CLMP: variants seen among roughly 807,000 people sequenced by gnomAD.
CLMP encodes the protein CXADR like cell adhesion molecule.
A neutral mutation model predicts 45.2 loss-of-function variants in CLMP; 27 were observed. The observed-to-expected ratio is 0.60, with a 90% confidence interval of 0.44 to 0.82. The LOEUF (loss-of-function observed/expected upper bound fraction) is 0.82, where lower values mean the gene tolerates loss of function less well. CLMP is among the 40% of genes least tolerant of loss of function. The pLI is 0.00. For missense variants in CLMP, 403 were observed against 448.4 expected (o/e 0.90, Z 0.91); for synonymous variants, 167 against 171.4 (o/e 0.97, Z 0.20).
chr11:123,097,905 C>T lies in CLMP; in HGVS notation c.76G>A (p.Val26Met), dbSNP rs1416727071. ...GGCAAAGTGACCTTTTCCTCTGCCA[C>T]TCTCTTGATCTCAGTGTGAGTCCCC... ...TLGTHTEIKR[V>M]AEEKVTLPCH... is the part of the protein sequence containing the mutation. Residue 26 changes from valine to methionine, a missense_variant, in exon 2 of 7, where the codon GTG becomes ATG. Transcript: ENST00000448775. 2 of 1,602,394 alleles carry T rather than the reference C, an allele frequency of 1.2e-6. No homozygotes were observed. Among genetic ancestry groups the T allele is most frequent in the African/African-American group, 2.7e-5 (2 of 74,350 alleles).
intron 1 of CLMP, among the ~76,000 whole-genome samples, chr11:123,135,667 T>C (rs776236861): frequency 1.3e-5 from 2 of 152,220 alleles, no homozygotes; most frequent in Non-Finnish European, 2.9e-5. Flanking sequence ...TGATATTTTA[T>C]AGGCTAATTT....
At chr11:123,156,389 C>A (rs1861415187) in intron 1 of CLMP, among the ~76,000 whole-genome samples, 1 of 152,236 alleles carries the variant, frequency 6.6e-6, no homozygotes, top group African/African-American at 2.4e-5. Flanking sequence ...CCAACCAAGT[C>A]TTCAGAGGAC....
rs1030234908 is a variant in CLMP, at chr11:123,096,788, T to A, written c.186+1007A>T. Among the ~76,000 whole-genome samples, 6 of 152,288 alleles carry A rather than the reference T, an allele frequency of 3.9e-5. No individual in the cohort carries two copies. In the South Asian group the frequency reaches 1.2e-3, roughly 32 times the overall value. ...TAGACAGAGAAGAGGAAAGGACAAC[T>A]TTTTTCTTTCTTTTGCTTTTGTTTT... On this transcript the variant is annotated intron_variant, in intron 2 of 6. Coordinates refer to ENST00000448775, the MANE Select transcript of CLMP (RefSeq NM_024769.5).
At chr11:123,083,349 A>G (rs1865827031) in intron 4 of CLMP, 142 bp from the exon 5 acceptor site, 2 of 916,468 alleles carry the variant, frequency 2.2e-6, no homozygotes, top group South Asian at 1.7e-5. Flanking sequence ...CTTTGGGAAC[A>G]TGAGAAGAAA....
At chr11:123,075,966 A>G (rs1348317506) in intron 5 of CLMP, among the ~76,000 whole-genome samples, 1 of 152,116 alleles carries the variant, frequency 6.6e-6, no homozygotes, top group African/African-American at 2.4e-5. Context: ...TGAGGTCAGG[A>G]GTTCGAGACC....
intron 2 of CLMP, among the ~76,000 whole-genome samples, chr11:123,090,762 T>G (rs1003350366): frequency 6.6e-6 from 1 of 152,124 alleles, no homozygotes; most frequent in East Asian, 1.9e-4. Context: ...TCCGGTTGCA[T>G]TTTCTCATGG....
chr11:123,097,239 C>T (rs895036710), intron 2 of CLMP, among the ~76,000 whole-genome samples: 4 of 152,132 alleles, frequency 2.6e-5, no homozygotes, highest in African/African-American at 4.8e-5. Context: ...GATCATAGCT[C>T]ACTGCAGCCT....
At chr11:123,081,428 T>C (rs1865802755) in intron 5 of CLMP, among the ~76,000 whole-genome samples, 1 of 149,606 alleles carries the variant, frequency 6.7e-6, no homozygotes. Context: ...ACATGGCTTG[T>C]GGATATAGGA....
intron 1 of CLMP, among the ~76,000 whole-genome samples, chr11:123,159,772 T>A (rs1169259848): frequency 6.6e-6 from 1 of 152,176 alleles, no homozygotes; most frequent in Admixed American, 6.5e-5. Flanking sequence ...GCCAATCCTC[T>A]CAGTCAATTA....
chr11:123,150,527 GGAAAGAAA>G lies in CLMP; in HGVS notation c.28+44378_28+44385del, dbSNP rs1435499477. ...AGGAAGGAAGGAAGGAAGGAAGGAA[GGAAAGAAA>G]CAAGCAAGGAAGGAAGGAAGGAAGG... On this transcript the variant is annotated intron_variant, in intron 1 of 6. Transcript: ENST00000448775. Among the ~76,000 whole-genome samples, 214 of 113,806 alleles carry G rather than the reference GGAAAGAAA, an allele frequency of 1.9e-3. 2 individuals carry two copies. The highest frequency in any genetic ancestry group is 9.9e-3 in the South Asian group (28 of 2,832). 74.7% of individuals were successfully genotyped at this position (113,806 alleles called of 152,430 possible).
chr11:123,120,248 C>T lies in CLMP; in HGVS notation c.29-22296G>A, dbSNP rs539263970. Among the ~76,000 whole-genome samples, 5 of 152,116 alleles carry T rather than the reference C, an allele frequency of 3.3e-5. No homozygotes were observed. In the South Asian group the frequency reaches 1.0e-3, roughly 32 times the overall value. On this transcript the variant is annotated intron_variant, in intron 1 of 6. Transcript: ENST00000448775. ...CCAACCTGGGCAACACAGTGAGACC[C>T]CATCTCCACAAAAATATAAAAGTAA...
rs763368614 is a variant in CLMP, at chr11:123,097,813, A to C, written c.168T>G (p.Asn56Lys). 1 of 1,597,148 alleles carries C rather than the reference A, an allele frequency of 6.3e-7. No homozygotes were observed. The highest frequency in any genetic ancestry group is 1.7e-5 in the Admixed American group (1 of 57,720). The change falls in exon 2 of 7, where the codon AAT becomes AAG. Residue 56 changes from asparagine to lysine, a missense_variant. Physicochemically the swap from Asn to Lys is moderately conservative, Grantham distance 94. Transcript: ENST00000448775. ...TACTTACCACTTTTTGGTTCCCTTCATTATCGGTGAGCAGCCATTCAATAT... is the reference window on the plus strand; with the variant it reads ...TACTTACCACTTTTTGGTTCCCTTCCTTATCGGTGAGCAGCCATTCAATAT... ...TLDIEWLLTD[N>K]EGNQKVVITY...
chr11:123,161,429 G>A (rs749771551), intron 1 of CLMP, among the ~76,000 whole-genome samples: 8 of 152,056 alleles, frequency 5.3e-5, no homozygotes, highest in Non-Finnish European at 8.8e-5. Flanking sequence ...CACTTTAGGA[G>A]GCCAAGGTGA....
Position 123,109,556 on chromosome 11 carries a change from A to G in CLMP, c.29-11604T>C, listed in dbSNP as rs1185272771. ...GGAAACACAGAGATCATGTTTGTAA[A>G]TGTGGATGGCACAGAGCTAGGTAGC... On this transcript the variant is annotated intron_variant, in intron 1 of 6. Coordinates refer to ENST00000448775, the MANE Select transcript of CLMP (RefSeq NM_024769.5). Among the ~76,000 whole-genome samples, 13 of 152,180 alleles carry G rather than the reference A, an allele frequency of 8.5e-5. 1 individual carries two copies. Among genetic ancestry groups the G allele is most frequent in the Admixed American group, 8.5e-4 (13 of 15,270 alleles).
rs1281617115 is a variant in CLMP at position 123,117,411 on chromosome 11, A to AATTTTTT, written c.29-19466_29-19460dup. ...TTGAGACCTTTTATCTTTTTTAAAA[A>AATTTTTT]ATTTTTTATTTTTTATTTTTTATTA... On this transcript the variant is annotated intron_variant, in intron 1 of 6. Transcript: ENST00000448775. Among the ~76,000 whole-genome samples, 133 of 151,896 alleles carry AATTTTTT rather than the reference A, an allele frequency of 8.8e-4. 1 individual carries two copies. The highest frequency in any genetic ancestry group is 3.1e-3 in the African/African-American group (129 of 41,502).
chr11:123,081,130 G>A (rs1316290277), intron 5 of CLMP, among the ~76,000 whole-genome samples: 1 of 151,784 alleles, frequency 6.6e-6, no homozygotes, highest in Non-Finnish European at 1.5e-5. Flanking sequence ...TGCAGCCTGG[G>A]TGACAGAGTG....
chr11:123,115,019 C>T (rs1340594998), intron 1 of CLMP, among the ~76,000 whole-genome samples: 1 of 152,130 alleles, frequency 6.6e-6, no homozygotes, highest in East Asian at 1.9e-4. Context: ...CTTTCACCTT[C>T]ATGTTTTCTA....
At chr11:123,171,036 T>C (rs1025685026) in intron 1 of CLMP, among the ~76,000 whole-genome samples, 1 of 152,224 alleles carries the variant, frequency 6.6e-6, no homozygotes, top group African/African-American at 2.4e-5. Flanking sequence ...GCAAGGTCTC[T>C]GGGGACCACA....
intron 4 of CLMP, 65 bp downstream of exon 4, chr11:123,083,615 G>A: frequency 6.5e-7 from 1 of 1,531,752 alleles, no homozygotes; most frequent in Non-Finnish European, 9.0e-7. Context: ...TGAGAAAGCT[G>A]ATTTAGAGCT....
Sources: allele counts gnomAD v4.1 joint callset (sites outside exome capture counted in the v4.1 genomes callset), GRCh38; gene constraint gnomAD v4.1.1; transcripts MANE v1.5; gene names NCBI Gene and HGNC (gene_info 2026-07-23, HGNC 2026-07-21).